SPATA18: variants seen among roughly 807,000 people sequenced by gnomAD.
The protein encoded by SPATA18 is mitochondria-eating protein.
SPATA18 carries 54 observed loss-of-function variants against 68.1 expected under a neutral mutation model. That is an observed-to-expected ratio of 0.79 (90% confidence interval 0.64 to 0.99). The LOEUF (loss-of-function observed/expected upper bound fraction) is 0.99. Among genes scored for constraint, SPATA18 ranks in the 50% least tolerant of loss-of-function variants. The pLI is 0.00. For synonymous variants in SPATA18, 242 were observed against 244.8 expected, an observed-to-expected ratio of 0.99 and a Z score of 0.11; for missense variants, 724 against 681.1, an observed-to-expected ratio of 1.06 and a Z score of -0.70.
At position 52,076,974 on chromosome 4, in the gene SPATA18, G is replaced by A. The variant is rs1376391990; in HGVS notation, c.954G>A (p.Gln318=). The A allele has an allele frequency of 1.9e-6, 3 of 1,613,848 alleles. No homozygotes were observed. Among genetic ancestry groups the A allele is most frequent in the Non-Finnish European group, 2.5e-6 (3 of 1,179,962 alleles). ...DSYSQARLDA[Q]CLLRRCIDKA... The stretch of plus-strand genomic sequence containing the variant: ...ATTCCCAGGCCCGCCTGGACGCGCA[G>A]TGCCTGCTGCGGCGCTGCATCGACA... The change falls in exon 7 of 13, where the codon CAG becomes CAA. Residue 318 remains glutamine, a synonymous_variant. Transcript: ENST00000295213.
chr4:52,074,809 G>A (rs928673479), intron 6 of SPATA18, among the ~76,000 whole-genome samples: 2 of 152,194 alleles, frequency 1.3e-5, no homozygotes, highest in Non-Finnish European at 2.9e-5. Context: ...ATTACACGAA[G>A]GTGGAGATAT....
intron 10 of SPATA18, among the ~76,000 whole-genome samples, chr4:52,084,138 A>T (rs1741209908): frequency 6.6e-6 from 1 of 152,132 alleles, no homozygotes; most frequent in African/African-American, 2.4e-5. Flanking sequence ...AATAAAACAT[A>T]CTTCTTGCTC....
chr4:52,061,640 T>C (rs1008320122), intron 3 of SPATA18, among the ~76,000 whole-genome samples: 2 of 152,032 alleles, frequency 1.3e-5, no homozygotes, highest in African/African-American at 4.8e-5. Flanking sequence ...CCTGGGTAGG[T>C]ATCTAAACAT....
chr4:52,058,778 G>A (rs1204119140), intron 1 of SPATA18, among the ~76,000 whole-genome samples: 1 of 152,180 alleles, frequency 6.6e-6, no homozygotes, highest in African/African-American at 2.4e-5. Context: ...GTAGTTAAGA[G>A]CATGGGCTCT....
intron 10 of SPATA18, chr4:52,082,974 G>C: frequency 1.0e-6 from 1 of 985,380 alleles, no homozygotes; most frequent in South Asian, 4.7e-5. Context: ...GAGGGATGGA[G>C]ACAAAGAGGG....
chr4:52,080,345 A>G (rs747115602), intron 9 of SPATA18, among the ~76,000 whole-genome samples: 4 of 152,204 alleles, frequency 2.6e-5, no homozygotes, highest in Non-Finnish European at 5.9e-5. Context: ...TAAGTCTAAG[A>G]CAGGGCTCAG....
At chr4:52,073,944 G>A (rs1343189513) in intron 6 of SPATA18, among the ~76,000 whole-genome samples, 2 of 152,174 alleles carry the variant, frequency 1.3e-5, no homozygotes, top group Non-Finnish European at 2.9e-5. Flanking sequence ...AACCATTCCT[G>A]CTAGTGAGCC....
In SPATA18 at chr4:52,062,352, T is replaced by C. The variant is rs1303525139; in HGVS notation, c.422+20T>C. 2 of 1,484,754 alleles carry C rather than the reference T, an allele frequency of 1.3e-6. No homozygotes were observed. The highest frequency in any genetic ancestry group is 1.9e-6 in the Non-Finnish European group (2 of 1,078,726). 92.0% of individuals were successfully genotyped at this position (1,484,754 alleles called of 1,614,324 possible). ...AGACGAGTAAGAGGAATGCAAGTTA[T>C]CTTTTTCCAAAAAGAATTGTTTTCA... On this transcript the variant is annotated intron_variant, in intron 4 of 12. Coordinates refer to ENST00000295213, the MANE Select transcript of SPATA18 (RefSeq NM_145263.4).
chr4:52,068,139 T>G (rs1245748467), intron 4 of SPATA18, among the ~76,000 whole-genome samples: 1 of 152,252 alleles, frequency 6.6e-6, no homozygotes, highest in Admixed American at 6.5e-5. Context: ...CTCCTTTTCT[T>G]GATCCATTTT....
intron 1 of SPATA18, among the ~76,000 whole-genome samples, chr4:52,051,995 A>G (rs1203484430): frequency 1.3e-5 from 2 of 152,130 alleles, no homozygotes; most frequent in Non-Finnish European, 2.9e-5. Context: ...GAGCTTCGGG[A>G]GGCGGCGCGC....
intron 7 of SPATA18, 112 bp downstream of exon 7, chr4:52,077,152 G>A: frequency 8.3e-7 from 1 of 1,202,988 alleles, no homozygotes; most frequent in East Asian, 2.7e-5. Context: ...ACTGAAGTGG[G>A]GGAGATTCCA....
Position 52,078,834 on chromosome 4 carries a change from G to A in SPATA18, c.1120G>A (p.Ala374Thr), listed in dbSNP as rs1740649181. The A allele has an allele frequency of 6.2e-7, 1 of 1,609,218 alleles. No individual in the cohort carries two copies. Among genetic ancestry groups the A allele is most frequent in the Non-Finnish European group, 8.5e-7 (1 of 1,176,064 alleles). Residue 374 changes from alanine to threonine, a missense_variant, in exon 8 of 13, where the codon GCT (alanine) becomes ACT (threonine). Transcript: ENST00000295213. ...SYVGSNDFEN[A>T]VLDYVICHLD... ...TGTGGGGTCGAATGACTTTGAGAAT[G>A]CTGTCTTGGATTATGTCATTTGTCA...
intron 7 of SPATA18, among the ~76,000 whole-genome samples, chr4:52,077,510 G>A (rs1278073539): frequency 6.6e-6 from 1 of 151,078 alleles, no homozygotes; most frequent in Non-Finnish European, 1.5e-5. Context: ...TATATGAATA[G>A]TTATATAATA....
chr4:52,083,146 G>T, intron 10 of SPATA18: 1 of 985,170 alleles, frequency 1.0e-6, no homozygotes, highest in Non-Finnish European at 1.2e-6. Context: ...TGTACGTGTT[G>T]TACTGGGGAT....
At chr4:52,070,564 T>G (rs1166727230) in intron 5 of SPATA18, among the ~76,000 whole-genome samples, 1 of 151,616 alleles carries the variant, frequency 6.6e-6, no homozygotes. Context: ...GGGATAGCAT[T>G]AGGAGATATA....
intron 6 of SPATA18, among the ~76,000 whole-genome samples, chr4:52,076,406 C>T (rs1293519191): frequency 6.6e-6 from 1 of 152,110 alleles, no homozygotes; most frequent in Non-Finnish European, 1.5e-5. Flanking sequence ...TTTTGAGGGT[C>T]TGGTAAAATG....
At chr4:52,056,237 T>A (rs1190488364) in intron 1 of SPATA18, among the ~76,000 whole-genome samples, 1 of 152,166 alleles carries the variant, frequency 6.6e-6, no homozygotes, top group East Asian at 1.9e-4. Context: ...AAGCCACACC[T>A]CCCAGTCCTG....
chr4:52,078,759 G>C lies in SPATA18; in HGVS notation c.1045G>C (p.Ala349Pro), dbSNP rs747459169. 5 of 1,586,744 alleles carry C rather than the reference G, an allele frequency of 3.2e-6. No homozygotes were observed. In the African/African-American group the frequency reaches 6.7e-5, roughly 21 times the overall value. Residue 349 changes from alanine to proline, a missense_variant, in exon 8 of 13, where the codon GCA (alanine) becomes CCA (proline). Coordinates refer to ENST00000295213, the MANE Select transcript of SPATA18 (RefSeq NM_145263.4). ...TVEAFHVAKM[A>P]FRHFKIHVRK... ...GGAGGCATTCCATGTAGCAAAAATGGCATTCAGACACTTCAAGATCCATGT... is the reference window on the plus strand; with the variant it reads ...GGAGGCATTCCATGTAGCAAAAATGCCATTCAGACACTTCAAGATCCATGT...
chr4:52,060,521 G>A lies in SPATA18; in HGVS notation c.190G>A (p.Glu64Lys). ...LFGILTAAAQ[E>K]GGRNDGVETI... The stretch of plus-strand genomic sequence containing the variant: ...TGGGATCCTCACAGCAGCAGCCCAA[G>A]AAGGTGAGAATGGCCTGTAATTTCC... The change falls in exon 2 of 13, where the codon GAA (glutamate) becomes AAA (lysine). Residue 64 changes from glutamate to lysine, a missense_variant. By Grantham distance (56) the Glu-to-Lys change is moderately conservative. Transcript: ENST00000295213. 1 of 1,613,714 alleles carries A rather than the reference G, an allele frequency of 6.2e-7. No individual in the cohort carries two copies. The highest frequency in any genetic ancestry group is 8.5e-7 in the Non-Finnish European group (1 of 1,179,704).
Sources: gnomAD v4.1 joint callset for allele counts (sites outside exome capture counted in the v4.1 genomes callset) on GRCh38, gnomAD v4.1.1 for gene constraint, MANE v1.5 for transcripts, NCBI Gene and HGNC (gene_info 2026-07-23, HGNC 2026-07-21) for gene names.